Variants in DAOA observed in about 807,000 individuals in gnomAD.
The protein encoded by DAOA is D-amino acid oxidase regulator.
A neutral mutation model predicts 16.4 loss-of-function variants in DAOA; 15 were observed. That is an observed-to-expected ratio of 0.91 (90% CI 0.61 to 1.41). DAOA has a LOEUF of 1.41. Among genes scored for constraint, DAOA ranks in the 40% most tolerant of loss-of-function variants. The pLI is 0.00. For synonymous variants in DAOA, 75 were observed against 59.1 expected (o/e 1.27, Z -1.23); for missense variants, 230 against 176.8 (o/e 1.30, Z -1.71).
At chr13:105,483,597 T>A (rs1258199893) in intron 4 of DAOA, among the ~76,000 whole-genome samples, 1 of 152,178 alleles carries the variant, frequency 6.6e-6, no homozygotes, top group African/African-American at 2.4e-5. Flanking sequence ...TGCATTTTCC[T>A]AATGACTAAT....
chr13:105,469,355 T>C, intron 3 of DAOA, among the ~76,000 whole-genome samples: 1 of 152,234 alleles, frequency 6.6e-6, no homozygotes, highest in Non-Finnish European at 1.5e-5. Flanking sequence ...CATATTTTAT[T>C]TGGGCTTTAT....
chr13:105,485,636 A>G (rs1203149486), intron 4 of DAOA, among the ~76,000 whole-genome samples: 1 of 152,154 alleles, frequency 6.6e-6, no homozygotes, highest in Non-Finnish European at 1.5e-5. Flanking sequence ...TTGCAGATGT[A>G]ATCAGTTAAA....
chr13:105,468,915 C>T (rs545754682), intron 3 of DAOA, among the ~76,000 whole-genome samples: 14 of 152,280 alleles, frequency 9.2e-5, no homozygotes, highest in African/African-American at 1.4e-4. Context: ...TATCTATTTG[C>T]GTGCTAGTCT....
At chr13:105,476,824 CA>C (rs1466031708) in intron 4 of DAOA, among the ~76,000 whole-genome samples, 2 of 151,944 alleles carry the variant, frequency 1.3e-5, no homozygotes, top group Non-Finnish European at 2.9e-5. Flanking sequence ...TCAGTTTCTC[CA>C]GGCTCCCATT....
Position 105,490,051 on chromosome 13 carries a change from C to A in DAOA, c.432C>A (p.His144Gln), listed in dbSNP as rs986801959. 40 of 1,583,714 alleles carry A rather than the reference C, an allele frequency of 2.5e-5. No homozygotes were observed. The highest frequency in any genetic ancestry group is 3.4e-5 in the Non-Finnish European group (40 of 1,163,846). ...YNQQKDQSCN[H>Q]KEITSTKAE ...AGCAAAAAGACCAGTCATGCAACCA[C>A]AAGGAAATAACTTCTACCAAAGCTG... The change falls in exon 5 of 6, where the codon CAC (histidine) becomes CAA (glutamine). Residue 144 changes from histidine (H) to glutamine (Q), a missense_variant. Transcript: ENST00000375936.
At position 105,466,421 on chromosome 13, in the gene DAOA, C is replaced by T. The variant is rs372515571; in HGVS notation, c.44+89C>T. The T allele has an allele frequency of 4.3e-5, 68 of 1,596,670 alleles. 1 individual carries two copies. Among genetic ancestry groups the T allele is most frequent in the Admixed American group, 1.2e-4 (7 of 58,946 alleles). On this transcript the variant is annotated intron_variant, in intron 2 of 5. Coordinates refer to ENST00000375936, the MANE Select transcript of DAOA (RefSeq NM_172370.5). The stretch of plus-strand genomic sequence containing the variant: ...CACAGAGCTCCCAGGGTGAATGTTC[C>T]TGGAGACAGGAAGTGGAACATGTCA...
At position 105,477,829 on chromosome 13, in the gene DAOA, T is replaced by C. The variant is rs576499263; in HGVS notation, c.281+5144T>C. ...AATTTAATTCCTAAAAATAGGCACA[T>C]AGTTTTTAAAATAATAGAATATCAT... On this transcript the variant is annotated intron_variant, in intron 4 of 5. Coordinates refer to ENST00000375936, the MANE Select transcript of DAOA (RefSeq NM_172370.5). Among the ~76,000 whole-genome samples the C allele has an allele frequency of 1.6e-3, 241 of 152,322 alleles. 1 individual carries two copies. The South Asian group carries it at 0.021, about 13-fold the overall frequency.
At chr13:105,490,227 A>G in intron 5 of DAOA, 35 bp downstream of exon 5, 1 of 1,011,768 alleles carries the variant, frequency 9.9e-7, no homozygotes, top group Non-Finnish European at 1.2e-6. Flanking sequence ...TTTTATGAAT[A>G]TTTTTATGAA....
intron 4 of DAOA, among the ~76,000 whole-genome samples, chr13:105,481,741 C>T (rs1177448080): frequency 1.3e-5 from 2 of 152,096 alleles, no homozygotes; most frequent in Non-Finnish European, 2.9e-5. Context: ...TCCCTTGTAT[C>T]CTTCTCATCA....
At chr13:105,466,030 C>T (rs1442877025), upstream of DAOA, 6 of 390,644 alleles carry the variant, frequency 1.5e-5, no homozygotes, top group Admixed American at 2.7e-4. Context: ...AATGGAAAGC[C>T]AGAAAGTAGA....
intron 4 of DAOA, 151 bp from the exon 5 acceptor site, chr13:105,489,750 G>A (rs1200248386): frequency 1.3e-6 from 2 of 1,520,110 alleles, no homozygotes; most frequent in Non-Finnish European, 8.9e-7. Flanking sequence ...ACTTCTTGGT[G>A]GTCACACATT....
At chr13:105,488,670 A>G (rs955433331) in intron 4 of DAOA, among the ~76,000 whole-genome samples, 1 of 152,216 alleles carries the variant, frequency 6.6e-6, no homozygotes, top group African/African-American at 2.4e-5. Flanking sequence ...AAGAAGCACA[A>G]TAAAACCCTG....
At chr13:105,484,716 A>G (rs373490811) in intron 4 of DAOA, among the ~76,000 whole-genome samples, 46 of 152,246 alleles carry the variant, frequency 3.0e-4, no homozygotes, top group Non-Finnish European at 5.6e-4. Flanking sequence ...TGTATGTTTC[A>G]TAGTTATTTA....
chr13:105,466,196 T>C lies in DAOA; in HGVS notation c.-73-20T>C. On this transcript the variant is annotated intron_variant, in intron 1 of 5. Coordinates refer to ENST00000375936, the MANE Select transcript of DAOA (RefSeq NM_172370.5). Reference sequence around the variant, plus strand: ...TAAAGTAAAAGCTTACTAGTGTATATGATGATTCTGTTGGTCCAGGATTTG... The same window carrying C: ...TAAAGTAAAAGCTTACTAGTGTATACGATGATTCTGTTGGTCCAGGATTTG... 3 of 1,593,264 alleles carry C rather than the reference T, an allele frequency of 1.9e-6. No individual in the cohort carries two copies. The highest frequency in any genetic ancestry group is 2.6e-6 in the Non-Finnish European group (3 of 1,168,126).
At chr13:105,488,907 T>G (rs1288658254) in intron 4 of DAOA, among the ~76,000 whole-genome samples, 2 of 152,178 alleles carry the variant, frequency 1.3e-5, no homozygotes, top group Non-Finnish European at 2.9e-5. Context: ...GGGTGGAACT[T>G]GAAAGCCATC....
chr13:105,482,348 T>C (rs1877800350), intron 4 of DAOA, among the ~76,000 whole-genome samples: 2 of 150,084 alleles, frequency 1.3e-5, no homozygotes, highest in African/African-American at 2.5e-5. Flanking sequence ...ATGGCCTTTT[T>C]TAACTCTCAT....
At chr13:105,479,723 A>T (rs891572916) in intron 4 of DAOA, among the ~76,000 whole-genome samples, 1 of 152,150 alleles carries the variant, frequency 6.6e-6, no homozygotes, top group African/African-American at 2.4e-5. Context: ...CAATGACCCT[A>T]TTTCCAAATA....
chr13:105,475,149 C>A, intron 4 of DAOA: 1 of 550,204 alleles, frequency 1.8e-6, no homozygotes, highest in Non-Finnish European at 2.3e-6. Flanking sequence ...GATCTCCAGA[C>A]TCCTGGGCCT....
chr13:105,476,896 G>C (rs1417799), intron 4 of DAOA, among the ~76,000 whole-genome samples: 126,762 of 151,952 alleles, frequency 0.83, 53,007 homozygotes, highest in East Asian at 1. Flanking sequence ...CAACCCACCA[G>C]CCACCAGGGG....
Sources: allele counts gnomAD v4.1 joint callset (sites outside exome capture counted in the v4.1 genomes callset), GRCh38; gene constraint gnomAD v4.1.1; transcripts MANE v1.5; gene names NCBI Gene and HGNC (gene_info 2026-07-23, HGNC 2026-07-21).